TMCO6: variants seen among roughly 807,000 people sequenced by gnomAD.
TMCO6 encodes the protein transmembrane and coiled-coil domain-containing protein 6.
A neutral mutation model predicts 61.8 loss-of-function variants in TMCO6; 47 were observed. The observed-to-expected ratio is 0.76, with a 90% confidence interval of 0.60 to 0.97. TMCO6 has a LOEUF of 0.97. Among genes scored for constraint, TMCO6 ranks in the 50% least tolerant of loss-of-function variants. The pLI is 0.00. For missense variants in TMCO6, 557 were observed against 601.6 expected (o/e 0.93, Z 0.78); for synonymous variants, 261 against 254.2 (o/e 1.03, Z -0.25).
At chr5:140,608,445 G>C in the TMCO6 span, among the ~76,000 whole-genome samples, 1 of 152,130 alleles carries the variant, frequency 6.6e-6, no homozygotes, top group Non-Finnish European at 1.5e-5. Flanking sequence ...CTCCCATTTT[G>C]TAGGTTGTCT....
chr5:140,616,649 A>C, the TMCO6 span, among the ~76,000 whole-genome samples: 3 of 152,220 alleles, frequency 2.0e-5, no homozygotes, highest in Non-Finnish European at 4.4e-5. Context: ...CAATGTATGG[A>C]ATAGGAGAAA....
At chr5:140,606,627 GA>G in the TMCO6 span, among the ~76,000 whole-genome samples, 7 of 152,252 alleles carry the variant, frequency 4.6e-5, no homozygotes, top group South Asian at 1.0e-3. Context: ...TAATGGAGCA[GA>G]AAAATCTCTA....
upstream of TMCO6, among the ~76,000 whole-genome samples, chr5:140,636,551 A>T (rs1001946248): frequency 2.6e-5 from 4 of 151,960 alleles, no homozygotes; most frequent in African/African-American, 9.7e-5. Flanking sequence ...TAATTAAAAA[A>T]TTAAAAAAAG....
At chr5:140,644,321 C>T in intron 10 of TMCO6, 127 bp downstream of exon 10, 1 of 1,082,616 alleles carries the variant, frequency 9.2e-7, no homozygotes. Flanking sequence ...AGGGCCCAAC[C>T]AATCTAGGTG....
At chr5:140,599,475 A>G in the TMCO6 span, among the ~76,000 whole-genome samples, 1 of 152,230 alleles carries the variant, frequency 6.6e-6, no homozygotes, top group African/African-American at 2.4e-5. Context: ...ACAGAATGCA[A>G]TAGCCTATAA....
At chr5:140,613,627 C>T in the TMCO6 span, among the ~76,000 whole-genome samples, 2 of 152,094 alleles carry the variant, frequency 1.3e-5, no homozygotes, top group African/African-American at 2.4e-5. Context: ...GAACATTGCT[C>T]CAGCAGGACT....
At chr5:140,647,084 C>T, downstream of TMCO6, 1 of 729,684 alleles carries the variant, frequency 1.4e-6, no homozygotes, top group East Asian at 2.8e-5. Flanking sequence ...GAATACAACG[C>T]ATCATATAAC....
chr5:140,607,990 A>G, the TMCO6 span, among the ~76,000 whole-genome samples: 1 of 151,926 alleles, frequency 6.6e-6, no homozygotes, highest in South Asian at 2.1e-4. Context: ...GGGTTTCTCT[A>G]TGTTGGCCAG....
At chr5:140,621,623 G>T in the TMCO6 span, among the ~76,000 whole-genome samples, 5 of 152,196 alleles carry the variant, frequency 3.3e-5, no homozygotes, top group African/African-American at 9.6e-5. Context: ...ATTGTTCAGG[G>T]AATAAGAGAG....
rs1757068878 is a variant in TMCO6, at chr5:140,641,985, G to T, written c.430G>T (p.Ala144Ser). ...CTCTCACTCCGAGCAGTCCACTGTT[G>T]CTGAGGCCTGCCTGCCAGCCACTTC... ...ELSHSEQSTV[A>S]EACLPATSYL... Residue 144 changes from alanine (A) to serine (S), a missense_variant, in exon 4 of 12, where the codon GCT becomes TCT. Coordinates refer to ENST00000394671, the MANE Select transcript of TMCO6 (RefSeq NM_018502.5). 6.2e-7 allele frequency: 1 copy of T among 1,613,536 alleles called. No individual in the cohort carries two copies. The highest frequency in any genetic ancestry group is 1.3e-5 in the African/African-American group (1 of 74,920).
At chr5:140,647,501 G>A (rs745943516), downstream of TMCO6, 2 of 1,612,528 alleles carry the variant, frequency 1.2e-6, no homozygotes, top group South Asian at 1.1e-5. Context: ...CTGGCTGCCG[G>A]GCGAGCGCTG....
At chr5:140,624,852 CTTTCTTTTTT>C in the TMCO6 span, among the ~76,000 whole-genome samples, 4 of 105,420 alleles carry the variant, frequency 3.8e-5, no homozygotes, top group African/African-American at 1.7e-4. Flanking sequence ...TTCTTTCTTT[CTTTCTTTTTT>C]TTTTTTTTTT....
chr5:140,632,132 C>G, the TMCO6 span: 8 of 1,614,040 alleles, frequency 5.0e-6, no homozygotes, highest in Admixed American at 1.7e-5. This position sits in a 1 kb window ranked among gnomAD's most constrained non-coding sequence, Gnocchi z 6.2. Context: ...GCCCAGCGAA[C>G]GACAGATTGA....
rs566830794 is a variant in TMCO6, at chr5:140,644,031, G to C, written c.1105+65G>C. ...ATGGGGATATTTCCTCATGGCCTAGGCTGAGGTGGGTAGTATTGACAGGGG... is the reference window on the plus strand; with the variant it reads ...ATGGGGATATTTCCTCATGGCCTAGCCTGAGGTGGGTAGTATTGACAGGGG... On this transcript the variant is annotated intron_variant, in intron 9 of 11. Transcript: ENST00000394671. 8.1e-6 allele frequency: 13 copies of C among 1,613,034 alleles called. No homozygotes were observed. In the Admixed American group the frequency reaches 1.3e-4, roughly 17 times the overall value.
chr5:140,639,860 G>A lies in TMCO6; in HGVS notation c.198+9G>A, dbSNP rs1262177494. On this transcript the variant is annotated intron_variant, in intron 2 of 11. Transcript: ENST00000394671. Reference sequence around the variant, plus strand: ...TCCTCGGGGAAACCGAGGTGAGGGGGCAAGGTAGGGTGCGCTGGAGTCCAC... The same window carrying A: ...TCCTCGGGGAAACCGAGGTGAGGGGACAAGGTAGGGTGCGCTGGAGTCCAC... 6.3e-7 allele frequency: 1 copy of A among 1,593,562 alleles called. No homozygotes were observed. The highest frequency in any genetic ancestry group is 1.8e-5 in the Admixed American group (1 of 55,980).
At chr5:140,642,200 T>C (rs556886923) in intron 4 of TMCO6, 115 bp from the exon 5 acceptor site, 160 of 1,388,722 alleles carry the variant, frequency 1.2e-4, no homozygotes, top group African/African-American at 9.6e-4. Context: ...CCCCACCCTC[T>C]TGTGAGCCGC....
chr5:140,623,670 G>T, the TMCO6 span, among the ~76,000 whole-genome samples: 1 of 152,092 alleles, frequency 6.6e-6, no homozygotes, highest in East Asian at 1.9e-4. Flanking sequence ...TATAACTTAG[G>T]CCTCAAACCA....
At chr5:140,633,619 C>T in the TMCO6 span, 27 of 166,630 alleles carry the variant, frequency 1.6e-4, no homozygotes, top group South Asian at 3.4e-3. Flanking sequence ...AATCCAAGTC[C>T]CTGAATATCC....
Position 140,643,920 on chromosome 5 carries a change from G to A in TMCO6, c.1059G>A (p.Gln353=). Residue 353 remains glutamine (Q), a synonymous_variant, in exon 9 of 12, where the codon CAG becomes CAA. Coordinates refer to ENST00000394671, the MANE Select transcript of TMCO6 (RefSeq NM_018502.5). ...TTCTGCAGTTCTTTTTCCAGAAACAGCCCAGTCTGCTCCCTGAGGGCCTTT... is the reference window on the plus strand; with the variant it reads ...TTCTGCAGTTCTTTTTCCAGAAACAACCCAGTCTGCTCCCTGAGGGCCTTT... The part of the protein sequence containing the change: ...FILLQFFFQK[Q]PSLLPEGLWL... The A allele has an allele frequency of 6.2e-7, 1 of 1,614,246 alleles. No homozygotes were observed. The highest frequency in any genetic ancestry group is 8.5e-7 in the Non-Finnish European group (1 of 1,180,042).
Sources: gnomAD v4.1 joint callset for allele counts (sites outside exome capture counted in the v4.1 genomes callset) on GRCh38, gnomAD v4.1.1 for gene constraint, Gnocchi (gnomAD v3.1) non-coding constraint, MANE v1.5 for transcripts, NCBI Gene and HGNC (gene_info 2026-07-23, HGNC 2026-07-21) for gene names.